Variants in SSBP3 observed in about 807,000 individuals in gnomAD.
The protein encoded by SSBP3 is single stranded DNA binding protein 3.
A neutral mutation model predicts 69.6 loss-of-function variants in SSBP3; 5 were observed. The ratio of observed to expected loss-of-function variants is 0.07; its 90% CI spans 0.04 to 0.15. SSBP3 has a LOEUF of 0.15. Ranked by LOEUF, SSBP3 falls within the 10% of genes least tolerant of loss-of-function variation. The pLI is 1.00. For synonymous variants in SSBP3, 196 were observed against 193.4 expected, an observed-to-expected ratio of 1.01 and a Z score of -0.11; for missense variants, 312 against 534.0, an observed-to-expected ratio of 0.58 and a Z score of 4.10.
chr1:54,323,035 A>G (rs1179575597), intron 4 of SSBP3, among the ~76,000 whole-genome samples: 1 of 152,234 alleles, frequency 6.6e-6, no homozygotes, highest in African/African-American at 2.4e-5. Context: ...AGGAGACTCC[A>G]AACTTCCAGA....
At chr1:54,281,674 G>A (rs752597497) in intron 4 of SSBP3, 147 bp from the exon 5 acceptor site, 27 of 750,836 alleles carry the variant, frequency 3.6e-5, no homozygotes, top group Middle Eastern at 2.3e-4. Flanking sequence ...CCCTCCTAGC[G>A]TCCCAGGGAA....
intron 4 of SSBP3, among the ~76,000 whole-genome samples, chr1:54,337,421 G>A (rs1028231412): frequency 8.8e-5 from 13 of 147,436 alleles, no homozygotes; most frequent in Non-Finnish European, 1.6e-4. Context: ...GGCTGTTCTC[G>A]CTCCAGTCTC....
intron 4 of SSBP3, among the ~76,000 whole-genome samples, chr1:54,313,216 G>A (rs536793971): frequency 3.3e-5 from 5 of 151,958 alleles, no homozygotes; most frequent in African/African-American, 9.7e-5. Context: ...GGGACCAATC[G>A]GGGTAATCAA....
At chr1:54,351,424 C>T (rs1039309246) in intron 4 of SSBP3, among the ~76,000 whole-genome samples, 1 of 152,122 alleles carries the variant, frequency 6.6e-6, no homozygotes, top group African/African-American at 2.4e-5. Flanking sequence ...CCTGAAGAGC[C>T]GGGGGTGCCA....
chr1:54,310,969 G>A (rs1459034631), intron 4 of SSBP3, among the ~76,000 whole-genome samples: 3 of 152,156 alleles, frequency 2.0e-5, no homozygotes, highest in Non-Finnish European at 4.4e-5. Context: ...AGGACCGCAG[G>A]TCCCCACCCA....
At chr1:54,380,121 C>T (rs1647502617) in intron 4 of SSBP3, among the ~76,000 whole-genome samples, 1 of 152,162 alleles carries the variant, frequency 6.6e-6, no homozygotes, top group Non-Finnish European at 1.5e-5. Context: ...TCCTCCCTCT[C>T]CTAGGGTCTG....
intron 14 of SSBP3, chr1:54,237,355 A>G (rs1298460344): frequency 6.6e-6 from 1 of 152,248 alleles, no homozygotes; most frequent in Non-Finnish European, 1.5e-5. Context: ...GAACAAGATG[A>G]TAATGGCGTC....
chr1:54,291,067 G>A (rs1217285468), intron 4 of SSBP3, among the ~76,000 whole-genome samples: 1 of 152,168 alleles, frequency 6.6e-6, no homozygotes. Flanking sequence ...TCCCTGGCGT[G>A]GACCCGCGCA....
intron 5 of SSBP3, among the ~76,000 whole-genome samples, chr1:54,263,655 G>C (rs1402607345): frequency 6.6e-6 from 1 of 152,206 alleles, no homozygotes. Flanking sequence ...AGGCTTTCCT[G>C]CTCCAGCCCT....
chr1:54,241,329 G>C (rs966604601), intron 12 of SSBP3, 145 bp downstream of exon 12: 2 of 978,574 alleles, frequency 2.0e-6, no homozygotes, highest in Non-Finnish European at 3.2e-6. Flanking sequence ...ACAGATGACT[G>C]AATATTGACA....
At chr1:54,332,322 G>T (rs1368122951) in intron 4 of SSBP3, among the ~76,000 whole-genome samples, 2 of 152,204 alleles carry the variant, frequency 1.3e-5, no homozygotes, top group Non-Finnish European at 2.9e-5. Context: ...GGCAGCAACA[G>T]TAAGTGAGAT....
chr1:54,249,587 TG>T, intron 9 of SSBP3, among the ~76,000 whole-genome samples: 1 of 152,140 alleles, frequency 6.6e-6, no homozygotes, highest in South Asian at 2.1e-4. Flanking sequence ...CCCAGCTACT[TG>T]GGAGACTGAG....
chr1:54,369,511 A>T (rs925196882), intron 4 of SSBP3, among the ~76,000 whole-genome samples: 8 of 152,228 alleles, frequency 5.3e-5, no homozygotes, highest in African/African-American at 1.9e-4. Flanking sequence ...TCAAAAAAAA[A>T]GAGAACCACT....
At chr1:54,328,596 C>A (rs998689501) in intron 4 of SSBP3, among the ~76,000 whole-genome samples, 1 of 152,202 alleles carries the variant, frequency 6.6e-6, no homozygotes, top group African/African-American at 2.4e-5. Context: ...CCTGAATCAG[C>A]CTAACAGTGT....
chr1:54,249,817 G>C (rs1570257120), intron 9 of SSBP3, among the ~76,000 whole-genome samples: 1 of 148,818 alleles, frequency 6.7e-6, no homozygotes, highest in Non-Finnish European at 1.5e-5. Context: ...ACTGGACCCT[G>C]CCCCTTCCAA....
intron 10 of SSBP3, among the ~76,000 whole-genome samples, 188 bp from the exon 11 acceptor site, chr1:54,242,400 T>C (rs1295617095): frequency 6.6e-6 from 1 of 152,206 alleles, no homozygotes; most frequent in Non-Finnish European, 1.5e-5. Context: ...ATGAATTGCT[T>C]TAAATTATAG....
chr1:54,242,164 T>C (rs140822395), exon 11 of SSBP3: 12 of 1,612,824 alleles, frequency 7.4e-6, no homozygotes, highest in African/African-American at 4.0e-5. Context: ...AGGTACTCAC[T>C]GAGTTAGCAC....
chr1:54,263,795 G>A (rs897806196), intron 5 of SSBP3, among the ~76,000 whole-genome samples: 1 of 152,230 alleles, frequency 6.6e-6, no homozygotes, highest in Non-Finnish European at 1.5e-5. Flanking sequence ...GCAGGGCTGA[G>A]GCAGCAGGCG....
At chr1:54,338,361 G>A (rs934042856) in intron 4 of SSBP3, among the ~76,000 whole-genome samples, 1 of 152,180 alleles carries the variant, frequency 6.6e-6, no homozygotes. Flanking sequence ...ACTTTACTTT[G>A]CAAATACCTG....
Sources: allele counts gnomAD v4.1 joint callset (sites outside exome capture counted in the v4.1 genomes callset), GRCh38; gene constraint gnomAD v4.1.1; transcripts MANE v1.5; gene names NCBI Gene and HGNC (gene_info 2026-07-23, HGNC 2026-07-21).